The following HOOK3 variants were observed in gnomAD, a reference collection of about 807,000 sequenced individuals.
The protein encoded by HOOK3 is hook microtubule tethering protein 3, also known as protein Hook homolog 3.
HOOK3 carries 24 observed loss-of-function variants against 116.3 expected under a neutral mutation model. The ratio of observed to expected loss-of-function variants is 0.21; its 90% CI spans 0.15 to 0.29. HOOK3 has a LOEUF of 0.29. Among genes scored for constraint, HOOK3 ranks in the 10% least tolerant of loss-of-function variants. The pLI is 1.00. For missense variants in HOOK3, 632 were observed against 830.2 expected (o/e 0.76, Z 2.93); for synonymous variants, 275 against 283.0 (o/e 0.97, Z 0.28).
chr8:42,952,922 T>C (rs187748300), intron 6 of HOOK3, among the ~76,000 whole-genome samples: 5 of 152,270 alleles, frequency 3.3e-5, no homozygotes, highest in Admixed American at 3.3e-4. Context: ...TCTTCCATCT[T>C]GCTGCTGTGC....
At position 43,024,100 on chromosome 8, in the gene HOOK3, C is replaced by T. The variant is rs923106527; in HGVS notation, c.*5602C>T. On this transcript the variant is annotated 3_prime_UTR_variant, in exon 22 of 22. Transcript: ENST00000307602. The stretch of plus-strand genomic sequence containing the variant: ...AGTGGAAACCGAGCTAGTTTACAGC[C>T]ACGTGGATAAGAACATCTTTGTTTC... 2.9e-5 allele frequency: 6 copies of T among 207,410 alleles called. No individual in the cohort carries two copies. Among genetic ancestry groups the T allele is most frequent in the African/African-American group, 1.4e-4 (6 of 43,894 alleles). The allele number at this position is 207,410 out of a possible 1,614,324, so 12.8% of individuals were successfully genotyped here.
chr8:43,008,906 G>T (rs573988374), intron 18 of HOOK3, among the ~76,000 whole-genome samples: 3 of 150,908 alleles, frequency 2.0e-5, no homozygotes, highest in Non-Finnish European at 4.4e-5. Context: ...TGATCCGCCC[G>T]CCTCGGCCTC....
At chr8:42,976,099 A>T (rs1808822904) in intron 13 of HOOK3, among the ~76,000 whole-genome samples, 1 of 152,046 alleles carries the variant, frequency 6.6e-6, no homozygotes, top group Admixed American at 6.6e-5. Context: ...TCCAAGTGCC[A>T]TAAGAGGTGA....
intron 8 of HOOK3, among the ~76,000 whole-genome samples, 180 bp from the exon 9 acceptor site, chr8:42,964,131 C>T (rs528031244): frequency 6.6e-6 from 1 of 152,250 alleles, no homozygotes. Context: ...GGCGTGAACC[C>T]AGGAGGCGGA....
chr8:43,002,613 A>G (rs1167855481), intron 17 of HOOK3, among the ~76,000 whole-genome samples: 2 of 152,270 alleles, frequency 1.3e-5, no homozygotes, highest in African/African-American at 4.8e-5. Flanking sequence ...CCCATGGGCT[A>G]TAGCTTGCCA....
In HOOK3 at chr8:43,026,093, C is replaced by T. The variant is rs1436631913; in HGVS notation, c.*7595C>T. The T allele has an allele frequency of 1.9e-5, 4 of 208,356 alleles. No homozygotes were observed. The highest frequency in any genetic ancestry group is 2.9e-5 in the Non-Finnish European group (3 of 102,536). The allele number at this position is 208,356 out of a possible 1,614,324, so 12.9% of individuals were successfully genotyped here. On this transcript the variant is annotated 3_prime_UTR_variant, in exon 22 of 22. Coordinates refer to ENST00000307602, the MANE Select transcript of HOOK3 (RefSeq NM_032410.4). ...TTAACATGGGAGACTTCCAGGTAGG[C>T]GTTAACACTTGAGTGGTAACTAGCT... is the stretch of plus-strand genomic sequence containing the variant.
In HOOK3 at chr8:43,025,099, C is replaced by T; in HGVS notation, c.*6601C>T. On this transcript the variant is annotated 3_prime_UTR_variant, in exon 22 of 22. Transcript: ENST00000307602. ...TTGACTGAAATGATAGAGAAAGGGA[C>T]ATTTGTTTGAGAAACAAGAGACCTG... The T allele has an allele frequency of 4.7e-6, 1 of 212,886 alleles. No individual in the cohort carries two copies. Among genetic ancestry groups the T allele is most frequent in the African/African-American group, 2.3e-5 (1 of 44,356 alleles). The allele number at this position is 212,886 out of a possible 1,614,324, so 13.2% of individuals were successfully genotyped here.
intron 2 of HOOK3, 63 bp downstream of exon 2, chr8:42,906,321 C>T: frequency 1.7e-6 from 2 of 1,205,830 alleles, no homozygotes; most frequent in Admixed American, 1.8e-5. Flanking sequence ...AGGTTGAAAA[C>T]ATGGATTAAA....
In HOOK3 at chr8:42,986,745, C is replaced by A; in HGVS notation, c.1482C>A (p.Ser494Arg). Residue 494 changes from serine to arginine, a missense_variant, in exon 15 of 22, where the codon AGC becomes AGA. This residue lies in a region of HOOK3 where 483 missense variants were observed against 648.1 expected (regional missense o/e 0.75). Coordinates refer to ENST00000307602, the MANE Select transcript of HOOK3 (RefSeq NM_032410.4). ...ATGAAAAAATAGCCTTATTGCAGAG[C>A]CTTCTAGATGATGCAAATCTACGCA... is the stretch of plus-strand genomic sequence containing the variant. ...SDNEKIALLQ[S>R]LLDDANLRKN... The A allele has an allele frequency of 6.2e-7, 1 of 1,613,684 alleles. No individual in the cohort carries two copies. Among genetic ancestry groups the A allele is most frequent in the Non-Finnish European group, 8.5e-7 (1 of 1,179,730 alleles).
chr8:42,907,405 C>T (rs971882968), intron 2 of HOOK3, among the ~76,000 whole-genome samples: 1 of 152,136 alleles, frequency 6.6e-6, no homozygotes, highest in African/African-American at 2.4e-5. Context: ...ATGCATGGTA[C>T]ATTTTTCCAG....
chr8:42,928,669 T>C (rs1807816791), intron 3 of HOOK3, among the ~76,000 whole-genome samples: 1 of 152,280 alleles, frequency 6.6e-6, no homozygotes, highest in East Asian at 1.9e-4. Context: ...AAGTTTATCA[T>C]AGTCTTAATA....
At chr8:42,950,981 G>A (rs1048461449) in intron 6 of HOOK3, among the ~76,000 whole-genome samples, 3 of 151,974 alleles carry the variant, frequency 2.0e-5, no homozygotes, top group Non-Finnish European at 2.9e-5. Flanking sequence ...CATCACGCCC[G>A]GCCGACTATT....
intron 15 of HOOK3, among the ~76,000 whole-genome samples, chr8:42,995,305 A>G (rs914264855): frequency 2.0e-5 from 3 of 152,200 alleles, no homozygotes; most frequent in Non-Finnish European, 4.4e-5. Flanking sequence ...CCATTTCACG[A>G]AAGTATTTCT....
chr8:42,985,173 C>T (rs1316502539), intron 14 of HOOK3, among the ~76,000 whole-genome samples: 1 of 152,114 alleles, frequency 6.6e-6, no homozygotes, highest in Non-Finnish European at 1.5e-5. Flanking sequence ...CAGGATGTGT[C>T]TGTTGTCTAA....
intron 15 of HOOK3, among the ~76,000 whole-genome samples, chr8:42,989,243 T>G (rs892511642): frequency 3.9e-5 from 6 of 152,210 alleles, no homozygotes; most frequent in Admixed American, 1.3e-4. Flanking sequence ...AAGCTCACCC[T>G]GTCCCTGCAT....
In HOOK3 at chr8:42,968,140, A is replaced by G. The variant is rs775609317; in HGVS notation, c.1048A>G (p.Asn350Asp). ...LEEKNTMYMQNTVSLEEELRK... is the reference protein window; with the variant it reads ...LEEKNTMYMQDTVSLEEELRK... ...AGAGAAGAATACCATGTATATGCAG[A>G]ATACTGTCAGTCTAGAGGAAGAGTT... The change falls in exon 11 of 22, where the codon AAT becomes GAT. Residue 350 changes from asparagine (N) to aspartate (D), a missense_variant. This residue lies in a region of HOOK3 where 483 missense variants were observed against 648.1 expected (regional missense o/e 0.75). Coordinates refer to ENST00000307602, the MANE Select transcript of HOOK3 (RefSeq NM_032410.4). 1.1e-5 allele frequency: 18 copies of G among 1,613,830 alleles called. No individual in the cohort carries two copies. The South Asian group carries it at 2.0e-4, about 18-fold the overall frequency.
chr8:42,974,296 C>G, intron 13 of HOOK3, 102 bp downstream of exon 13: 1 of 769,930 alleles, frequency 1.3e-6, no homozygotes, highest in Non-Finnish European at 2.2e-6. Context: ...ACTGTCTTGG[C>G]TCACTGCAAC....
intron 21 of HOOK3, among the ~76,000 whole-genome samples, chr8:43,015,805 G>A (rs1441697138): frequency 6.6e-5 from 10 of 151,824 alleles, no homozygotes; most frequent in Admixed American, 4.6e-4. Flanking sequence ...TGCAACCTCC[G>A]CCTCCCGGGT....
chr8:42,986,715 G>A lies in HOOK3; in HGVS notation c.1452G>A (p.Ser484=), dbSNP rs993666302. 3.0e-5 allele frequency: 48 copies of A among 1,613,638 alleles called. No homozygotes were observed. The highest frequency in any genetic ancestry group is 3.3e-4 in the Middle Eastern group (2 of 6,062). Residue 484 remains serine, a synonymous_variant, in exon 15 of 22, where the codon TCG becomes TCA. Coordinates refer to ENST00000307602, the MANE Select transcript of HOOK3 (RefSeq NM_032410.4). ...NKMLKLNQEG[S]DNEKIALLQS... is the part of the protein sequence containing the mutation. ...TGTTAAAGCTTAACCAAGAAGGTTC[G>A]GACAATGAAAAAATAGCCTTATTGC...
Sources: allele counts gnomAD v4.1 joint callset (sites outside exome capture counted in the v4.1 genomes callset), GRCh38; gene constraint gnomAD v4.1.1; regional missense constraint gnomAD v4.1.1; transcripts MANE v1.5; gene names NCBI Gene and HGNC (gene_info 2026-07-23, HGNC 2026-07-21).